MDGA2: variants seen among roughly 807,000 people sequenced by gnomAD.
MDGA2 encodes the protein MAM domain containing glycosylphosphatidylinositol anchor 2.
A neutral mutation model predicts 117.8 loss-of-function variants in MDGA2; 40 were observed. The ratio of observed to expected loss-of-function variants is 0.34; its 90% CI spans 0.26 to 0.44. The LOEUF (loss-of-function observed/expected upper bound fraction) is 0.44. MDGA2 is among the 20% of genes least tolerant of loss of function. The pLI, the probability that MDGA2 is intolerant of heterozygous loss-of-function variation, is 1.00. For synonymous variants in MDGA2, 452 were observed against 439.0 expected, an observed-to-expected ratio of 1.03 and a Z score of -0.37; for missense variants, 1,123 against 1,250.6, an observed-to-expected ratio of 0.90 and a Z score of 1.54.
chr14:47,177,126 G>A (rs891810457), intron 3 of MDGA2, among the ~76,000 whole-genome samples: 2 of 152,166 alleles, frequency 1.3e-5, no homozygotes, highest in Non-Finnish European at 2.9e-5. Flanking sequence ...CAGTTAGAAT[G>A]GCAGTCATTA....
chr14:47,224,783 C>T (rs1419130846), intron 2 of MDGA2, among the ~76,000 whole-genome samples: 2 of 152,122 alleles, frequency 1.3e-5, no homozygotes, highest in African/African-American at 2.4e-5. Context: ...ATATTAAGAA[C>T]TATCAATGGT....
chr14:47,526,434 G>T (rs1358504390), intron 1 of MDGA2, among the ~76,000 whole-genome samples: 1 of 152,046 alleles, frequency 6.6e-6, no homozygotes, highest in Non-Finnish European at 1.5e-5. Flanking sequence ...CTTCCAGTTT[G>T]CTCTTATTCT....
intron 1 of MDGA2, among the ~76,000 whole-genome samples, chr14:47,507,927 G>A (rs1260576928): frequency 1.3e-5 from 2 of 152,204 alleles, no homozygotes. Flanking sequence ...CAACTTTAAT[G>A]TAGTCCAGCT....
intron 6 of MDGA2, among the ~76,000 whole-genome samples, chr14:47,073,307 T>C (rs1486996661): frequency 6.6e-6 from 1 of 152,202 alleles, no homozygotes; most frequent in African/African-American, 2.4e-5. Flanking sequence ...GAGCAAGTAT[T>C]CTGAGGTCAG....
chr14:47,380,723 C>A (rs1414157401), intron 1 of MDGA2, among the ~76,000 whole-genome samples: 2 of 151,918 alleles, frequency 1.3e-5, no homozygotes, highest in Non-Finnish European at 2.9e-5. Flanking sequence ...TAATTAATAG[C>A]CTACCAACCA....
intron 1 of MDGA2, among the ~76,000 whole-genome samples, chr14:47,341,498 G>T (rs1410840971): frequency 6.6e-6 from 1 of 152,104 alleles, no homozygotes; most frequent in Non-Finnish European, 1.5e-5. Context: ...CTAAGTCCAG[G>T]TTTTGTTCTT....
chr14:47,472,695 A>G (rs1275565420), intron 1 of MDGA2, among the ~76,000 whole-genome samples: 1 of 152,106 alleles, frequency 6.6e-6, no homozygotes, highest in East Asian at 1.9e-4. Context: ...GACTATCATG[A>G]AGCATAGAGG....
intron 2 of MDGA2, among the ~76,000 whole-genome samples, chr14:47,241,054 A>G (rs1041782977): frequency 2.0e-5 from 3 of 151,846 alleles, no homozygotes; most frequent in African/African-American, 4.8e-5. Flanking sequence ...GAGGGTTTTC[A>G]TGTTCTGCTT....
chr14:47,539,900 C>T (rs1895302659), intron 1 of MDGA2, among the ~76,000 whole-genome samples: 1 of 152,248 alleles, frequency 6.6e-6, no homozygotes, highest in Admixed American at 6.5e-5. Flanking sequence ...CCACACTGGC[C>T]TCGTCAAGGT....
intron 1 of MDGA2, among the ~76,000 whole-genome samples, chr14:47,492,393 A>G (rs1894188542): frequency 6.6e-6 from 1 of 152,122 alleles, no homozygotes; most frequent in Non-Finnish European, 1.5e-5. Flanking sequence ...CAGACAATGC[A>G]AATATTAATC....
At chr14:47,299,618 CATT>C (rs1889207672) in intron 2 of MDGA2, 1 of 152,150 alleles carries the variant, frequency 6.6e-6, no homozygotes, top group African/African-American at 2.4e-5. Context: ...TTAAGTCTAT[CATT>C]GTTTAAATTT....
chr14:46,911,597 A>G (rs990158389), intron 10 of MDGA2, among the ~76,000 whole-genome samples: 5 of 152,204 alleles, frequency 3.3e-5, no homozygotes, highest in Admixed American at 6.5e-5. Flanking sequence ...TTATCATTAA[A>G]ATTATAAGAA....
intron 1 of MDGA2, among the ~76,000 whole-genome samples, chr14:47,520,607 C>T (rs1894849652): frequency 6.6e-6 from 1 of 152,068 alleles, no homozygotes; most frequent in African/African-American, 2.4e-5. Context: ...AAAACAGATA[C>T]AGAACACAGA....
chr14:47,500,482 C>T (rs1894377210), intron 1 of MDGA2, among the ~76,000 whole-genome samples: 1 of 151,984 alleles, frequency 6.6e-6, no homozygotes, highest in Admixed American at 6.6e-5. Context: ...TAACAACTAG[C>T]ACCAAGTTTG....
chr14:47,619,116 T>TAC (rs1555336908), intron 1 of MDGA2, among the ~76,000 whole-genome samples: 2,552 of 90,774 alleles, frequency 0.028, 42 homozygotes, highest in African/African-American at 0.063. Flanking sequence ...TCAGTTTAAT[T>TAC]ACACACACAC....
At chr14:47,622,686 G>A (rs1440656632) in intron 1 of MDGA2, among the ~76,000 whole-genome samples, 5 of 152,202 alleles carry the variant, frequency 3.3e-5, no homozygotes, top group African/African-American at 7.2e-5. Flanking sequence ...TAGGGAAACT[G>A]ACCCATGGAT....
chr14:47,557,166 G>A (rs1247860280), intron 1 of MDGA2, among the ~76,000 whole-genome samples: 2 of 152,130 alleles, frequency 1.3e-5, no homozygotes, highest in African/African-American at 4.8e-5. Context: ...TTATTCAGGA[G>A]TAAAATTGAA....
At chr14:47,374,725 T>C (rs966652269) in intron 1 of MDGA2, among the ~76,000 whole-genome samples, 2 of 152,082 alleles carry the variant, frequency 1.3e-5, no homozygotes, top group African/African-American at 4.8e-5. Flanking sequence ...TCTGTACATT[T>C]CTTTCTCAAA....
chr14:47,040,461 A>G (rs1322120153), intron 7 of MDGA2, among the ~76,000 whole-genome samples: 1 of 152,232 alleles, frequency 6.6e-6, no homozygotes, highest in African/African-American at 2.4e-5. Flanking sequence ...AAACTCATTC[A>G]ATGAAAACTT....
Sources: gnomAD v4.1 joint callset for allele counts (sites outside exome capture counted in the v4.1 genomes callset) on GRCh38, gnomAD v4.1.1 for gene constraint, MANE v1.5 for transcripts, NCBI Gene and HGNC (gene_info 2026-07-23, HGNC 2026-07-21) for gene names.